SFT2D2: variants seen among roughly 807,000 people sequenced by gnomAD.
SFT2D2 encodes the protein vesicle transport protein SFT2B.
A neutral mutation model predicts 27.4 loss-of-function variants in SFT2D2; 21 were observed. The observed-to-expected ratio is 0.77, with a 90% CI of 0.54 to 1.10. The LOEUF (loss-of-function observed/expected upper bound fraction) is 1.10, where lower values mean the gene tolerates loss of function less well. SFT2D2 is among the 50% of genes least tolerant of loss of function. The probability of loss-of-function intolerance (pLI) is 0.00; values close to 1 mark genes in which losing one functional copy is unlikely to be tolerated. For missense variants in SFT2D2, 187 were observed against 194.2 expected (o/e 0.96, Z 0.22); for synonymous variants, 72 against 71.7 (o/e 1.00, Z -0.02).
At chr1:168,242,356 T>C in intron 7 of SFT2D2, 145 bp from the exon 8 acceptor site, 3 of 836,166 alleles carry the variant, frequency 3.6e-6, no homozygotes, top group Non-Finnish European at 4.1e-6. Flanking sequence ...TACTAATAAA[T>C]GTTGAAGCTG....
intron 1 of SFT2D2, among the ~76,000 whole-genome samples, chr1:168,228,851 C>A (rs1413558034): frequency 6.6e-6 from 1 of 152,126 alleles, no homozygotes; most frequent in Admixed American, 6.5e-5. Flanking sequence ...CTCTAATTTC[C>A]AAAAACAATA....
intron 3 of SFT2D2, among the ~76,000 whole-genome samples, chr1:168,234,537 TGAG>T (rs1647434192): frequency 6.6e-6 from 1 of 152,110 alleles, no homozygotes; most frequent in Admixed American, 6.5e-5. Context: ...ACAAAGTTGT[TGAG>T]GAGAAGAAAT....
At chr1:168,234,735 C>G (rs1558176345) in intron 3 of SFT2D2, among the ~76,000 whole-genome samples, 1 of 152,134 alleles carries the variant, frequency 6.6e-6, no homozygotes, top group Non-Finnish European at 1.5e-5. Flanking sequence ...TTGTTTGTTT[C>G]CATGAGTAGT....
intron 7 of SFT2D2, among the ~76,000 whole-genome samples, chr1:168,241,846 C>G (rs1647649064): frequency 6.6e-6 from 1 of 152,224 alleles, no homozygotes; most frequent in Non-Finnish European, 1.5e-5. Context: ...CCTTATGTGA[C>G]TCCCAATGTC....
chr1:168,235,975 G>A (rs572393996), intron 4 of SFT2D2, among the ~76,000 whole-genome samples: 2 of 152,320 alleles, frequency 1.3e-5, no homozygotes, highest in South Asian at 4.1e-4. Flanking sequence ...TGGACACAGA[G>A]AATATTTAGG....
intron 4 of SFT2D2, 23 bp downstream of exon 4, chr1:168,235,205 A>G (rs1572452873): frequency 1.2e-6 from 2 of 1,608,956 alleles, no homozygotes; most frequent in East Asian, 2.2e-5. Flanking sequence ...TTTTAGCTGG[A>G]CTTCTCAGAT....
intron 3 of SFT2D2, 39 bp from the exon 4 acceptor site, chr1:168,235,062 C>A: frequency 6.3e-7 from 1 of 1,587,124 alleles, no homozygotes; most frequent in South Asian, 1.1e-5. Flanking sequence ...TAGTGCAGTT[C>A]TGTTCTGAAC....
chr1:168,240,058 G>A lies in SFT2D2; in HGVS notation c.443+898G>A, dbSNP rs1023463471. 3.3e-5 allele frequency among the ~76,000 whole-genome samples: 5 copies of A among 151,410 alleles called. No individual in the cohort carries two copies. In the South Asian group the frequency reaches 1.0e-3, roughly 32 times the overall value. ...GGCGTGGTGGCAGGCGCCTGTAGTC[G>A]AAGCTACTTGGGAGGCTGAGGCAGG... On this transcript the variant is annotated intron_variant, in intron 7 of 7. Coordinates refer to ENST00000271375, the MANE Select transcript of SFT2D2 (RefSeq NM_199344.3).
At position 168,246,510 on chromosome 1, in the gene SFT2D2, C is replaced by A; in HGVS notation, c.*3970C>A. 6.8e-7 allele frequency: 1 copy of A among 1,472,734 alleles called. No individual in the cohort carries two copies. The allele number at this position is 1,472,734 out of a possible 1,614,324, so 91.2% of individuals were successfully genotyped here. On this transcript the variant is annotated 3_prime_UTR_variant, in exon 8 of 8. Coordinates refer to ENST00000271375, the MANE Select transcript of SFT2D2 (RefSeq NM_199344.3). ...TCAGAGCCTCTCTTGTGTTATGGAGCTCAGTTTTGAGGCACCTGGACTTAC... is the reference window on the plus strand; with the variant it reads ...TCAGAGCCTCTCTTGTGTTATGGAGATCAGTTTTGAGGCACCTGGACTTAC...
At position 168,246,583 on chromosome 1, in the gene SFT2D2, A is replaced by G; in HGVS notation, c.*4043A>G. The G allele has an allele frequency of 6.6e-7, 1 of 1,511,644 alleles. No individual in the cohort carries two copies. Among genetic ancestry groups the G allele is most frequent in the South Asian group, 1.1e-5 (1 of 89,602 alleles). 93.6% of individuals were successfully genotyped at this position (1,511,644 alleles called of 1,614,324 possible). ...AGAAAGAATCAGAACATGAGAATTC[A>G]AATTTTCCTGTAAATGACGCAATTT... is the stretch of plus-strand genomic sequence containing the variant. On this transcript the variant is annotated 3_prime_UTR_variant, in exon 8 of 8. Coordinates refer to ENST00000271375, the MANE Select transcript of SFT2D2 (RefSeq NM_199344.3).
In SFT2D2 at chr1:168,245,705, T is replaced by C. The variant is rs1398466968; in HGVS notation, c.*3165T>C. 2.6e-5 allele frequency: 4 copies of C among 152,172 alleles called. No individual in the cohort carries two copies. Among genetic ancestry groups the C allele is most frequent in the Admixed American group, 2.6e-4 (4 of 15,256 alleles). The allele number at this position is 152,172 out of a possible 1,614,324, so 9.4% of individuals were successfully genotyped here. On this transcript the variant is annotated 3_prime_UTR_variant, in exon 8 of 8. Transcript: ENST00000271375. ...CATGGACCTGTCCATGGCCTGTAGG[T>C]TGGGAACCTCTGCTACAGAGGATCC...
intron 1 of SFT2D2, among the ~76,000 whole-genome samples, chr1:168,230,661 G>C (rs1377676653): frequency 6.6e-6 from 1 of 152,130 alleles, no homozygotes; most frequent in African/African-American, 2.4e-5. Flanking sequence ...TTTTAGTAGA[G>C]ACAAGGTTTC....
intron 7 of SFT2D2, among the ~76,000 whole-genome samples, 168 bp downstream of exon 7, chr1:168,239,328 A>G (rs1017285672): frequency 1.3e-5 from 2 of 151,760 alleles, no homozygotes; most frequent in African/African-American, 2.4e-5. Flanking sequence ...CCCACCACCC[A>G]CTCTAATTAT....
At position 168,246,835 on chromosome 1, in the gene SFT2D2, T is replaced by G; in HGVS notation, c.*4295T>G. 1 of 671,020 alleles carries G rather than the reference T, an allele frequency of 1.5e-6. No individual in the cohort carries two copies. The highest frequency in any genetic ancestry group is 2.6e-6 in the Non-Finnish European group (1 of 387,988). The allele number at this position is 671,020 out of a possible 1,614,324, so 41.6% of individuals were successfully genotyped here. The stretch of plus-strand genomic sequence containing the variant: ...ATCGTTTTTGTTGATTTTTCCCCAT[T>G]CTGTTTTAGAGCCTTTTGAAGGTCT... On this transcript the variant is annotated 3_prime_UTR_variant, in exon 8 of 8. Coordinates refer to ENST00000271375, the MANE Select transcript of SFT2D2 (RefSeq NM_199344.3).
chr1:168,231,714 G>T lies in SFT2D2; in HGVS notation c.150+114G>T, dbSNP rs1647318451. ...CTTCACTAAAATGCATGGATGAGAG[G>T]AGAGGGGAATAAGGGAGGTGGGGAG... On this transcript the variant is annotated intron_variant, in intron 2 of 7. Coordinates refer to ENST00000271375, the MANE Select transcript of SFT2D2 (RefSeq NM_199344.3). 8 of 1,429,776 alleles carry T rather than the reference G, an allele frequency of 5.6e-6. No individual in the cohort carries two copies. In the African/African-American group the frequency reaches 5.6e-5, roughly 10 times the overall value. 88.6% of individuals were successfully genotyped at this position (1,429,776 alleles called of 1,614,324 possible). A position where few individuals can be genotyped will look rare whatever the true frequency, so the allele number is the denominator to read the frequency against.
At chr1:168,238,828 G>A (rs1476963474) in intron 6 of SFT2D2, among the ~76,000 whole-genome samples, 1 of 152,218 alleles carries the variant, frequency 6.6e-6, no homozygotes, top group Non-Finnish European at 1.5e-5. Flanking sequence ...TAAGGTGATT[G>A]TTGCTAGTTC....
chr1:168,234,741 G>A (rs565181983), intron 3 of SFT2D2, among the ~76,000 whole-genome samples: 1 of 152,116 alleles, frequency 6.6e-6, no homozygotes, highest in Admixed American at 6.5e-5. Flanking sequence ...GTTTCCATGA[G>A]TAGTTATTGT....
At chr1:168,239,774 T>G (rs1170069263) in intron 7 of SFT2D2, among the ~76,000 whole-genome samples, 2 of 152,072 alleles carry the variant, frequency 1.3e-5, no homozygotes, top group African/African-American at 4.8e-5. Context: ...CTCTCAAAAT[T>G]AGCCGCATGA....
intron 7 of SFT2D2, among the ~76,000 whole-genome samples, chr1:168,240,805 A>G (rs1275941516): frequency 2.0e-5 from 3 of 152,136 alleles, no homozygotes; most frequent in South Asian, 2.1e-4. Context: ...CCAGCTACTC[A>G]GGAGGCTGAG....
Sources: allele counts gnomAD v4.1 joint callset (sites outside exome capture counted in the v4.1 genomes callset), GRCh38; gene constraint gnomAD v4.1.1; transcripts MANE v1.5; gene names NCBI Gene and HGNC (gene_info 2026-07-23, HGNC 2026-07-21).